CCSER1: variants seen among roughly 807,000 people sequenced by gnomAD.
The protein encoded by CCSER1 is serine-rich coiled-coil domain-containing protein 1.
CCSER1 carries 41 observed loss-of-function variants against 82.0 expected under a neutral mutation model. That is an observed-to-expected ratio of 0.50 (90% CI 0.39 to 0.65). CCSER1 has a LOEUF of 0.65. Ranked by LOEUF, CCSER1 falls within the 30% of genes least tolerant of loss-of-function variation. CCSER1 has a pLI of 0.00. For synonymous variants in CCSER1, 414 were observed against 383.9 expected (o/e 1.08, Z -0.92); for missense variants, 1,119 against 1,064.2 (o/e 1.05, Z -0.72).
intron 9 of CCSER1, among the ~76,000 whole-genome samples, chr4:91,043,894 T>G (rs1742208382): frequency 6.6e-6 from 1 of 152,130 alleles, no homozygotes; most frequent in Admixed American, 6.6e-5. Context: ...GGCTCAGACT[T>G]CTTATGGAAA....
At chr4:90,144,461 C>T (rs1725430878) in intron 1 of CCSER1, among the ~76,000 whole-genome samples, 2 of 152,170 alleles carry the variant, frequency 1.3e-5, no homozygotes, top group African/African-American at 4.8e-5. Context: ...AACTGTTTCA[C>T]TGCGACTGCC....
intron 7 of CCSER1, among the ~76,000 whole-genome samples, chr4:90,775,721 T>A (rs1752806269): frequency 6.6e-6 from 1 of 152,216 alleles, no homozygotes; most frequent in African/African-American, 2.4e-5. Flanking sequence ...AAAATTGTTA[T>A]CCACATTTAT....
rs187312654 is a variant in CCSER1 at position 90,966,643 on chromosome 4, C to T, written c.2172+43196C>T. ...AGGACAATAAATCGCCAATTGAATC[C>T]GTGGAAGGGATAAAGAGCAACTGTA... is the stretch of plus-strand genomic sequence containing the variant. On this transcript the variant is annotated intron_variant, in intron 9 of 10. Transcript: ENST00000509176. Among the ~76,000 whole-genome samples the T allele has an allele frequency of 5.7e-4, 86 of 152,094 alleles. No individual in the cohort carries two copies. The East Asian group carries it at 0.011, about 20-fold the overall frequency.
intron 5 of CCSER1, among the ~76,000 whole-genome samples, chr4:90,477,503 G>A (rs573191243): frequency 6.6e-6 from 1 of 152,322 alleles, no homozygotes; most frequent in East Asian, 1.9e-4. Flanking sequence ...GAATGAGGAA[G>A]TTGGGCATAA....
chr4:91,232,143 C>T (rs1229759399), intron 10 of CCSER1, among the ~76,000 whole-genome samples: 1 of 151,768 alleles, frequency 6.6e-6, no homozygotes, highest in Non-Finnish European at 1.5e-5. Context: ...ATTGCTACAA[C>T]TTATACAGAG....
At chr4:91,066,292 A>G (rs1346053077) in intron 9 of CCSER1, among the ~76,000 whole-genome samples, 1 of 152,224 alleles carries the variant, frequency 6.6e-6, no homozygotes, top group Non-Finnish European at 1.5e-5. Flanking sequence ...CATTCTCAGA[A>G]AAAGCTAATT....
At chr4:90,204,976 C>T (rs1738513294) in intron 1 of CCSER1, among the ~76,000 whole-genome samples, 1 of 152,090 alleles carries the variant, frequency 6.6e-6, no homozygotes, top group African/African-American at 2.4e-5. Flanking sequence ...GAAGTTCACT[C>T]AAGATTTGGC....
At chr4:90,992,600 G>T (rs576038709) in intron 9 of CCSER1, among the ~76,000 whole-genome samples, 2 of 152,032 alleles carry the variant, frequency 1.3e-5, no homozygotes, top group East Asian at 3.9e-4. Flanking sequence ...AGCTCAACTG[G>T]AAAAGGGTTA....
intron 10 of CCSER1, among the ~76,000 whole-genome samples, chr4:91,480,354 C>T (rs1366667110): frequency 6.6e-6 from 1 of 152,162 alleles, no homozygotes; most frequent in South Asian, 2.1e-4. Context: ...TTCACAGTCC[C>T]ACCAACAGTG....
intron 3 of CCSER1, among the ~76,000 whole-genome samples, chr4:90,375,309 C>T (rs529763748): frequency 1.3e-5 from 2 of 152,228 alleles, no homozygotes; most frequent in Admixed American, 1.3e-4. Context: ...AATGTCTTTG[C>T]CCTTTCTCAC....
chr4:91,355,339 A>G lies in CCSER1; in HGVS notation c.2218-243233A>G, dbSNP rs897406778. On this transcript the variant is annotated intron_variant, in intron 10 of 10. Coordinates refer to ENST00000509176, the MANE Select transcript of CCSER1 (RefSeq NM_001145065.2). Reference sequence around the variant, plus strand: ...GGCCCCTCTTTCTTCTGTTCTAGCTATTACCTTACTTGTGTCACCTAGAAA... The same window carrying G: ...GGCCCCTCTTTCTTCTGTTCTAGCTGTTACCTTACTTGTGTCACCTAGAAA... Among the ~76,000 whole-genome samples, 9 of 152,032 alleles carry G rather than the reference A, an allele frequency of 5.9e-5. No individual in the cohort carries two copies. In the East Asian group the frequency reaches 1.7e-3, roughly 30 times the overall value.
intron 6 of CCSER1, among the ~76,000 whole-genome samples, chr4:90,648,712 T>A (rs1210683826): frequency 6.6e-6 from 1 of 152,186 alleles, no homozygotes; most frequent in Non-Finnish European, 1.5e-5. Context: ...CTTGCTGACA[T>A]CTTGATCTTG....
At chr4:91,007,300 T>C (rs1290124242) in intron 9 of CCSER1, among the ~76,000 whole-genome samples, 1 of 152,212 alleles carries the variant, frequency 6.6e-6, no homozygotes, top group African/African-American at 2.4e-5. Context: ...AATTCAAACC[T>C]CATAGAATGA....
intron 9 of CCSER1, among the ~76,000 whole-genome samples, chr4:90,932,720 C>G (rs1428372795): frequency 6.8e-6 from 1 of 146,056 alleles, no homozygotes; most frequent in African/African-American, 2.6e-5. Context: ...TCCAGCTACT[C>G]AAGAGGCTAA....
At chr4:90,387,924 C>T (rs1345381044) in intron 3 of CCSER1, among the ~76,000 whole-genome samples, 4 of 152,118 alleles carry the variant, frequency 2.6e-5, no homozygotes, top group African/African-American at 9.7e-5. Context: ...TGAATGATTG[C>T]ATTAGAGGGT....
chr4:91,258,329 A>T (rs1456648746), intron 10 of CCSER1, among the ~76,000 whole-genome samples: 3 of 152,072 alleles, frequency 2.0e-5, no homozygotes, highest in Non-Finnish European at 4.4e-5. Context: ...ATACAATAGG[A>T]TCCAATTTTT....
intron 8 of CCSER1, among the ~76,000 whole-genome samples, chr4:90,856,070 C>A (rs1469436468): frequency 1.3e-5 from 2 of 152,034 alleles, no homozygotes; most frequent in Non-Finnish European, 2.9e-5. Flanking sequence ...AATTACATAA[C>A]CTATGCAAAA....
chr4:90,662,100 G>A (rs1009434254), intron 6 of CCSER1, among the ~76,000 whole-genome samples: 3 of 151,178 alleles, frequency 2.0e-5, no homozygotes, highest in African/African-American at 7.3e-5. Flanking sequence ...CCAGGTTCAC[G>A]TGATTCTCCT....
intron 9 of CCSER1, among the ~76,000 whole-genome samples, chr4:90,956,121 T>C (rs1733409921): frequency 6.6e-6 from 1 of 152,126 alleles, no homozygotes; most frequent in Non-Finnish European, 1.5e-5. Flanking sequence ...ATATTTAAAG[T>C]GGGTAAAATT....
Sources: allele counts gnomAD v4.1 joint callset (sites outside exome capture counted in the v4.1 genomes callset), GRCh38; gene constraint gnomAD v4.1.1; transcripts MANE v1.5; gene names NCBI Gene and HGNC (gene_info 2026-07-23, HGNC 2026-07-21).